The following MARCHF11 variants were observed in gnomAD, a reference collection of about 807,000 sequenced individuals.
MARCHF11 encodes E3 ubiquitin-protein ligase MARCHF11.
Under a neutral mutation model 37.3 loss-of-function variants are expected in MARCHF11, and 29 were observed. That is an observed-to-expected ratio of 0.78 (90% CI 0.58 to 1.06). The LOEUF is 1.06. Among genes scored for constraint, MARCHF11 ranks in the 50% least tolerant of loss-of-function variants. The pLI, the probability that MARCHF11 is intolerant of heterozygous loss-of-function variation, is 0.00. For missense variants in MARCHF11, 482 were observed against 533.4 expected, an observed-to-expected ratio of 0.90 and a Z score of 0.95; for synonymous variants, 233 against 228.0, an observed-to-expected ratio of 1.02 and a Z score of -0.20.
chr5:16,118,329 T>C (rs1159880467), intron 2 of MARCHF11, among the ~76,000 whole-genome samples: 1 of 152,206 alleles, frequency 6.6e-6, no homozygotes, highest in Non-Finnish European at 1.5e-5. Flanking sequence ...TCTCCTTCAC[T>C]GCTGGATGCA....
At chr5:16,119,613 C>T (rs1737279937) in intron 2 of MARCHF11, among the ~76,000 whole-genome samples, 1 of 151,894 alleles carries the variant, frequency 6.6e-6, no homozygotes, top group Non-Finnish European at 1.5e-5. Context: ...TCAAAATCTC[C>T]AGAGCCATGA....
intron 2 of MARCHF11, among the ~76,000 whole-genome samples, chr5:16,099,140 C>G (rs1289062276): frequency 6.6e-6 from 1 of 151,998 alleles, no homozygotes; most frequent in Admixed American, 6.5e-5. Flanking sequence ...GGAATGCACA[C>G]CTATTAGAAA....
At chr5:16,070,859 T>C (rs1418812761) in intron 3 of MARCHF11, among the ~76,000 whole-genome samples, 1 of 152,216 alleles carries the variant, frequency 6.6e-6, no homozygotes, top group African/African-American at 2.4e-5. Flanking sequence ...GCATTCAGAA[T>C]TAGTCCTTGG....
intron 2 of MARCHF11, among the ~76,000 whole-genome samples, chr5:16,173,064 G>A (rs552143854): frequency 1.3e-5 from 2 of 152,198 alleles, no homozygotes; most frequent in Non-Finnish European, 2.9e-5. Flanking sequence ...ACGAGTAAGG[G>A]AAAGGCTAAT....
intron 2 of MARCHF11, among the ~76,000 whole-genome samples, chr5:16,099,261 G>A (rs1458375958): frequency 6.6e-6 from 1 of 152,078 alleles, no homozygotes; most frequent in African/African-American, 2.4e-5. Context: ...CTATGAATCA[G>A]GTCCTGTCAC....
intron 2 of MARCHF11, among the ~76,000 whole-genome samples, chr5:16,124,616 T>C (rs901012222): frequency 6.6e-6 from 1 of 152,140 alleles, no homozygotes; most frequent in Non-Finnish European, 1.5e-5. Context: ...GATTGCTTAA[T>C]AGACTTGCAG....
At chr5:16,157,959 A>T (rs766430552) in intron 2 of MARCHF11, among the ~76,000 whole-genome samples, 2 of 151,960 alleles carry the variant, frequency 1.3e-5, no homozygotes, top group African/African-American at 2.4e-5. Flanking sequence ...TATCCAAAAC[A>T]TATAAGGCAT....
At chr5:16,106,546 C>T (rs1157147315) in intron 2 of MARCHF11, among the ~76,000 whole-genome samples, 3 of 152,170 alleles carry the variant, frequency 2.0e-5, no homozygotes, top group Non-Finnish European at 4.4e-5. Flanking sequence ...TCTTTCTTTA[C>T]ATGAGTGACT....
intron 2 of MARCHF11, among the ~76,000 whole-genome samples, chr5:16,108,207 G>T (rs925077767): frequency 6.6e-6 from 1 of 152,182 alleles, no homozygotes; most frequent in Non-Finnish European, 1.5e-5. Context: ...CAGAGCTGGA[G>T]TGGGGCTGGG....
At chr5:16,104,766 G>A (rs966018053) in intron 2 of MARCHF11, among the ~76,000 whole-genome samples, 4 of 151,876 alleles carry the variant, frequency 2.6e-5, no homozygotes, top group Non-Finnish European at 5.9e-5. Flanking sequence ...GCTGGCTAAT[G>A]AGTTTGGACT....
At chr5:16,101,557 TAA>T (rs1736958211) in intron 2 of MARCHF11, among the ~76,000 whole-genome samples, 1 of 152,208 alleles carries the variant, frequency 6.6e-6, no homozygotes, top group South Asian at 2.1e-4. Context: ...CCATATGAAT[TAA>T]AAGTGTGTGT....
chr5:16,157,797 T>C (rs1738002306), intron 2 of MARCHF11, among the ~76,000 whole-genome samples: 2 of 151,734 alleles, frequency 1.3e-5, no homozygotes, highest in African/African-American at 4.8e-5. Flanking sequence ...TTGGAGATGA[T>C]ACCAAAAACA....
intron 2 of MARCHF11, among the ~76,000 whole-genome samples, chr5:16,128,867 C>A (rs1737463911): frequency 6.6e-6 from 1 of 152,162 alleles, no homozygotes; most frequent in African/African-American, 2.4e-5. Context: ...CAAGCTTGGC[C>A]ATCTGTTCAT....
intron 2 of MARCHF11, among the ~76,000 whole-genome samples, chr5:16,133,931 A>T (rs1204794847): frequency 1.3e-5 from 2 of 152,166 alleles, no homozygotes; most frequent in Non-Finnish European, 2.9e-5. Flanking sequence ...AACGTCCTTA[A>T]GGGAAATAAT....
chr5:16,080,670 G>GC (rs1170843583), intron 3 of MARCHF11, among the ~76,000 whole-genome samples: 1 of 152,028 alleles, frequency 6.6e-6, no homozygotes, highest in Non-Finnish European at 1.5e-5. Flanking sequence ...TGCTCTTAGC[G>GC]CCCCCACCCC....
At chr5:16,108,395 G>C (rs924185483) in intron 2 of MARCHF11, among the ~76,000 whole-genome samples, 13 of 152,340 alleles carry the variant, frequency 8.5e-5, no homozygotes, top group African/African-American at 2.6e-4. Context: ...GAACTCTCCC[G>C]TTTCAAAGGT....
At chr5:16,148,880 G>C (rs551765011) in intron 2 of MARCHF11, among the ~76,000 whole-genome samples, 1 of 152,284 alleles carries the variant, frequency 6.6e-6, no homozygotes, top group Non-Finnish European at 1.5e-5. Context: ...TGGAAATACT[G>C]AAAGTATCTC....
chr5:16,150,212 T>C (rs569017141), intron 2 of MARCHF11, among the ~76,000 whole-genome samples: 1 of 149,644 alleles, frequency 6.7e-6, no homozygotes, highest in East Asian at 1.9e-4. Flanking sequence ...GATTATATAA[T>C]TCTTAGAATT....
At chr5:16,086,494 A>G (rs898601500) in intron 3 of MARCHF11, among the ~76,000 whole-genome samples, 4 of 152,248 alleles carry the variant, frequency 2.6e-5, no homozygotes, top group Non-Finnish European at 5.9e-5. Flanking sequence ...AAACATAATC[A>G]GTATCTTCCT....
Sources: allele counts gnomAD v4.1 joint callset (sites outside exome capture counted in the v4.1 genomes callset), GRCh38; gene constraint gnomAD v4.1.1; transcripts MANE v1.5; gene names NCBI Gene and HGNC (gene_info 2026-07-23, HGNC 2026-07-21).